Variants in ULK4 observed in about 807,000 individuals in gnomAD.
ULK4 encodes inactive serine/threonine-protein kinase ULK4.
Under a neutral mutation model 160.6 loss-of-function variants are expected in ULK4, and 133 were observed. That is an observed-to-expected ratio of 0.83 (90% CI 0.72 to 0.96). The LOEUF is 0.96. ULK4 is among the 40% of genes least tolerant of loss of function. The probability of loss-of-function intolerance (pLI) is 0.00; values close to 1 mark genes in which losing one functional copy is unlikely to be tolerated. For synonymous variants in ULK4, 534 were observed against 539.8 expected (o/e 0.99, Z 0.15); for missense variants, 1,580 against 1,499.5 (o/e 1.05, Z -0.89).
intron 2 of ULK4, among the ~76,000 whole-genome samples, chr3:41,942,288 G>A (rs1028526962): frequency 2.0e-5 from 3 of 152,274 alleles, no homozygotes; most frequent in Middle Eastern, 3.4e-3. Context: ...GGAGGCCAAG[G>A]TGGGCGTATG....
chr3:41,939,538 A>G (rs760514605), intron 2 of ULK4, among the ~76,000 whole-genome samples: 1 of 115,574 alleles, frequency 8.7e-6, no homozygotes, highest in Non-Finnish European at 2.0e-5. Flanking sequence ...CCAAGTTTCT[A>G]CAGTGAACTT....
At chr3:41,268,855 C>G (rs903756393) in intron 35 of ULK4, among the ~76,000 whole-genome samples, 3 of 151,196 alleles carry the variant, frequency 2.0e-5, no homozygotes, top group African/African-American at 7.3e-5. Flanking sequence ...CCACCCTCTT[C>G]CCAGAAAGTA....
chr3:41,674,621 G>T (rs1575556509), intron 29 of ULK4, among the ~76,000 whole-genome samples: 1 of 152,162 alleles, frequency 6.6e-6, no homozygotes, highest in Non-Finnish European at 1.5e-5. Flanking sequence ...TTAAAGGCAA[G>T]GTCAAGATTT....
intron 17 of ULK4, among the ~76,000 whole-genome samples, chr3:41,876,760 A>G (rs1575869527): frequency 6.6e-6 from 1 of 152,234 alleles, no homozygotes. Flanking sequence ...CAGATACCAA[A>G]GTATACATAT....
chr3:41,571,930 C>T (rs1401689320), intron 31 of ULK4, among the ~76,000 whole-genome samples: 1 of 152,172 alleles, frequency 6.6e-6, no homozygotes, highest in African/African-American at 2.4e-5. Flanking sequence ...GTCAGGGGCC[C>T]AGTTATAAGC....
intron 30 of ULK4, among the ~76,000 whole-genome samples, chr3:41,632,411 T>C (rs934029136): frequency 2.0e-5 from 3 of 152,258 alleles, no homozygotes; most frequent in Non-Finnish European, 4.4e-5. Flanking sequence ...AAGAGATTTT[T>C]TGTTTTGGAA....
chr3:41,500,012 T>C (rs1035886156), intron 32 of ULK4, among the ~76,000 whole-genome samples: 10 of 152,134 alleles, frequency 6.6e-5, no homozygotes, highest in Non-Finnish European at 1.5e-4. Context: ...GTCACTGCTC[T>C]AGTCGTATTA....
At chr3:41,777,952 T>G (rs1190678916) in intron 21 of ULK4, among the ~76,000 whole-genome samples, 1 of 137,898 alleles carries the variant, frequency 7.3e-6, no homozygotes, top group African/African-American at 2.8e-5. Flanking sequence ...TCACCACTCC[T>G]ATTCAACATA....
In ULK4 at chr3:41,690,408, T is replaced by A. The variant is rs372158444; in HGVS notation, c.2782-8604A>T. On this transcript the variant is annotated intron_variant, in intron 27 of 36. Transcript: ENST00000301831. ...TATACATATGTAACTAACCTGCACA[T>A]TGTGCACATGTACCCTAAAGTATAA... 3.8e-4 allele frequency among the ~76,000 whole-genome samples: 57 copies of A among 151,418 alleles called. 1 individual carries two copies. The East Asian group carries it at 0.011, about 29-fold the overall frequency.
intron 11 of ULK4, among the ~76,000 whole-genome samples, chr3:41,908,344 T>G (rs1698652935): frequency 6.6e-6 from 1 of 152,186 alleles, no homozygotes; most frequent in African/African-American, 2.4e-5. Context: ...ACAAGGGAGT[T>G]ACAATCCATA....
intron 22 of ULK4, among the ~76,000 whole-genome samples, chr3:41,725,935 G>T (rs1234322513): frequency 3.3e-5 from 5 of 152,080 alleles, no homozygotes; most frequent in Non-Finnish European, 7.4e-5. Context: ...TCCCTGTTTT[G>T]GGAAATCCTC....
At chr3:41,809,833 CTTAAGT>C (rs1484840706) in intron 19 of ULK4, among the ~76,000 whole-genome samples, 2 of 152,218 alleles carry the variant, frequency 1.3e-5, no homozygotes, top group African/African-American at 4.8e-5. Flanking sequence ...CTAAAATCGA[CTTAAGT>C]TTATCTATTG....
intron 21 of ULK4, among the ~76,000 whole-genome samples, chr3:41,756,122 T>C (rs1194318492): frequency 6.6e-6 from 1 of 152,192 alleles, no homozygotes. Context: ...CAGTGACTAC[T>C]CTAAACATGA....
intron 1 of ULK4, among the ~76,000 whole-genome samples, chr3:41,961,406 C>T (rs74459862): frequency 0.014 from 2,191 of 152,246 alleles, 53 homozygotes; most frequent in African/African-American, 0.051. Context: ...GACTGGGATG[C>T]GCTCAAGTCT....
chr3:41,920,345 C>T (rs575922058), intron 5 of ULK4, among the ~76,000 whole-genome samples: 1 of 152,194 alleles, frequency 6.6e-6, no homozygotes, highest in Non-Finnish European at 1.5e-5. Flanking sequence ...TCCGCTCACA[C>T]TTAGTTGGCT....
intron 18 of ULK4, among the ~76,000 whole-genome samples, chr3:41,828,067 G>C (rs2041430985): frequency 6.6e-6 from 1 of 151,426 alleles, no homozygotes; most frequent in African/African-American, 2.4e-5. Context: ...TATCTCAATA[G>C]ATGCAGAAAA....
intron 21 of ULK4, among the ~76,000 whole-genome samples, chr3:41,754,763 G>A (rs189142524): frequency 6.6e-6 from 1 of 152,276 alleles, no homozygotes; most frequent in Non-Finnish European, 1.5e-5. Context: ...CAAATTCAGA[G>A]TTGGATAAAA....
At chr3:41,471,667 A>G (rs920860557) in intron 32 of ULK4, among the ~76,000 whole-genome samples, 1 of 152,338 alleles carries the variant, frequency 6.6e-6, no homozygotes, top group Non-Finnish European at 1.5e-5. Flanking sequence ...CCTTTACCAA[A>G]TAGGATGGTA....
intron 35 of ULK4, among the ~76,000 whole-genome samples, chr3:41,387,354 A>G (rs1287139844): frequency 2.0e-5 from 3 of 151,792 alleles, no homozygotes; most frequent in Non-Finnish European, 4.4e-5. Flanking sequence ...ATTTAGCTGT[A>G]ATTTTGTATC....
Sources: gnomAD v4.1 joint callset for allele counts (sites outside exome capture counted in the v4.1 genomes callset) on GRCh38, gnomAD v4.1.1 for gene constraint, MANE v1.5 for transcripts, NCBI Gene and HGNC (gene_info 2026-07-23, HGNC 2026-07-21) for gene names.